Variants in MUC17 observed in about 807,000 individuals in gnomAD.
MUC17 encodes the protein mucin-17.
Under a neutral mutation model 170.3 loss-of-function variants are expected in MUC17, and 190 were observed. That is an observed-to-expected ratio of 1.12 (90% CI 0.99 to 1.26). The LOEUF is 1.26. Ranked by LOEUF, MUC17 falls within the 50% of genes most tolerant of loss-of-function variation. The pLI is 0.00. For missense variants in MUC17, 6,415 were observed against 5,530.0 expected, an observed-to-expected ratio of 1.16 and a Z score of -5.08; for synonymous variants, 2,325 against 2,002.5, an observed-to-expected ratio of 1.16 and a Z score of -4.30.
In MUC17 at chr7:101,047,997, G is replaced by A. The variant is rs545289933; in HGVS notation, c.12417G>A (p.Gly4139=). ...VPRTTTCFGD[G]CQNTASRCKN... ...ATTGTTCCACAGGCTTTGGAGATGG[G>A]TGCCAGAATACGGCCTCTCGCTGCA... Residue 4139 remains glycine, a synonymous_variant, in exon 4 of 13, where the codon GGG becomes GGA. Coordinates refer to ENST00000306151, the MANE Select transcript of MUC17 (RefSeq NM_001040105.2). 2 of 1,596,664 alleles carry A rather than the reference G, an allele frequency of 1.3e-6. No homozygotes were observed. The highest frequency in any genetic ancestry group is 4.5e-5 in the East Asian group (2 of 44,292).
At position 101,036,021 on chromosome 7, in the gene MUC17, A is replaced by T. The variant is rs1385891192; in HGVS notation, c.4605A>T (p.Ser1535=). ...TVASSEINSL[S]TTPAVTSTPV... ...CCAGTTCTGAAATCAACAGCCTTTC[A>T]ACAACTCCTGCTGTCACCAGCACAC... is the stretch of plus-strand genomic sequence containing the variant. Residue 1535 remains serine (S), a synonymous_variant, in exon 3 of 13, where the codon TCA becomes TCT. Coordinates refer to ENST00000306151, the MANE Select transcript of MUC17 (RefSeq NM_001040105.2). 5.6e-6 allele frequency: 9 copies of T among 1,611,980 alleles called. No homozygotes were observed. The Admixed American group carries it at 8.3e-5, about 15-fold the overall frequency.
Position 101,038,854 on chromosome 7 carries a change from C to A in MUC17, c.7438C>A (p.Pro2480Thr). 6.2e-7 allele frequency: 1 copy of A among 1,612,942 alleles called. No individual in the cohort carries two copies. Among genetic ancestry groups the A allele is most frequent in the Non-Finnish European group, 8.5e-7 (1 of 1,179,538 alleles). ...TGAGGCTGGCACCCTTTCCACAACT[C>A]CTGTTGACACCAGCACACCTATGAC... ...SSEAGTLSTT[P>T]VDTSTPMTTS... The change falls in exon 3 of 13, where the codon CCT (proline) becomes ACT (threonine). Residue 2480 changes from proline (P) to threonine (T), a missense_variant. Coordinates refer to ENST00000306151, the MANE Select transcript of MUC17 (RefSeq NM_001040105.2).
intron 1 of MUC17, among the ~76,000 whole-genome samples, chr7:101,023,893 G>GT (rs749020800): frequency 0.013 from 1,926 of 145,178 alleles, 29 homozygotes; most frequent in African/African-American, 0.033. Flanking sequence ...TCTATTTGCA[G>GT]TTTTTTTTTT....
rs2116408333 is a variant in MUC17, at chr7:101,032,608, A to G, written c.1192A>G (p.Met398Val). Residue 398 changes from methionine (M) to valine (V), a missense_variant, in exon 3 of 13, where the codon ATG (methionine) becomes GTG (valine). Met to Val is a conservative substitution (Grantham distance 21, BLOSUM62 1). Transcript: ENST00000306151. ...TGAAGGAAGCACTCCATTAACAAAT[A>G]TGCCTGTCAGCACCATATTGGTGGC... ...LSEGSTPLTNMPVSTILVASS... is the reference protein window; with the variant it reads ...LSEGSTPLTNVPVSTILVASS... The G allele has an allele frequency of 6.2e-7, 1 of 1,614,062 alleles. No individual in the cohort carries two copies. Among genetic ancestry groups the G allele is most frequent in the Middle Eastern group, 1.6e-4 (1 of 6,062 alleles).
rs765952464 is a variant in MUC17, at chr7:101,043,419, C to T, written c.12003C>T (p.Pro4001=). 6.2e-7 allele frequency: 1 copy of T among 1,614,168 alleles called. No homozygotes were observed. ...FTTPAMTTAA[P]LTYVTMSTAP... Reference sequence around the variant, plus strand: ...CACCCGCAATGACTACTGCAGCTCCCCTCACATATGTGACCATGTCTACTG... The same window carrying T: ...CACCCGCAATGACTACTGCAGCTCCTCTCACATATGTGACCATGTCTACTG... The change falls in exon 3 of 13, where the codon CCC becomes CCT. Residue 4001 remains proline, a synonymous_variant. Coordinates refer to ENST00000306151, the MANE Select transcript of MUC17 (RefSeq NM_001040105.2).
rs1584871240 is a variant in MUC17 at position 101,041,980 on chromosome 7, A to T, written c.10564A>T (p.Met3522Leu). Residue 3522 changes from methionine to leucine, a missense_variant, in exon 3 of 13, where the codon ATG becomes TTG. Met to Leu is a conservative substitution (Grantham distance 15). Coordinates refer to ENST00000306151, the MANE Select transcript of MUC17 (RefSeq NM_001040105.2). ...AGEGSTPLTN[M>L]PVSTTPVASS... Reference sequence around the variant, plus strand: ...TGAAGGAAGCACTCCATTAACAAATATGCCTGTCAGCACCACACCGGTGGC... The same window carrying T: ...TGAAGGAAGCACTCCATTAACAAATTTGCCTGTCAGCACCACACCGGTGGC... 6.2e-7 allele frequency: 1 copy of T among 1,613,190 alleles called. No individual in the cohort carries two copies. Among genetic ancestry groups the T allele is most frequent in the Admixed American group, 1.7e-5 (1 of 59,962 alleles).
chr7:101,047,886 G>A, intron 3 of MUC17, 98 bp from the exon 4 acceptor site: 1 of 1,360,560 alleles, frequency 7.3e-7, no homozygotes, highest in Non-Finnish European at 9.7e-7. Flanking sequence ...GCTGTAAAGT[G>A]CTGTGCTCAA....
Position 101,050,566 on chromosome 7 carries a change from A to C in MUC17, c.12805A>C (p.Thr4269Pro). Residue 4269 changes from threonine to proline, a missense_variant, in exon 7 of 13, where the codon ACC (threonine) becomes CCC (proline). Physicochemically the swap from Thr to Pro is conservative, Grantham distance 38 (BLOSUM62 -1). Transcript: ENST00000306151. ...ATACAAGACAGTATTGGACAATGCCACCGAAGTAGTGAAAGAGAAAATCAC... is the reference window on the plus strand; with the variant it reads ...ATACAAGACAGTATTGGACAATGCCCCCGAAGTAGTGAAAGAGAAAATCAC... Reference protein sequence around the residue: ...PEYKTVLDNATEVVKEKITKV... With the variant: ...PEYKTVLDNAPEVVKEKITKV... 1 of 1,614,214 alleles carries C rather than the reference A, an allele frequency of 6.2e-7. No individual in the cohort carries two copies. Among genetic ancestry groups the C allele is most frequent in the Non-Finnish European group, 8.5e-7 (1 of 1,180,026 alleles).
chr7:101,046,839 G>T (rs1009894118), intron 3 of MUC17, among the ~76,000 whole-genome samples: 1 of 152,056 alleles, frequency 6.6e-6, no homozygotes, highest in Non-Finnish European at 1.5e-5. Context: ...CAGCACTTTG[G>T]GAGGCTGAGG....
intron 12 of MUC17, among the ~76,000 whole-genome samples, chr7:101,057,291 A>T (rs943812452): frequency 6.6e-6 from 1 of 152,174 alleles, no homozygotes; most frequent in East Asian, 1.9e-4. Flanking sequence ...AGGGTAGGAG[A>T]AATAACAAGT....
chr7:101,043,091 C>T lies in MUC17; in HGVS notation c.11675C>T (p.Ala3892Val), dbSNP rs1794764236. The change falls in exon 3 of 13, where the codon GCC (alanine) becomes GTC (valine). Residue 3892 changes from alanine (A) to valine (V), a missense_variant. Ala to Val is a moderately conservative substitution (Grantham distance 64). Transcript: ENST00000306151. ...ACACTTCCAACTAGCTTTCCTGGGG[C>T]CAGCATAGCTTCGACACCTCCTCTT... ...STTLPTSFPG[A>V]SIASTPPLDT... The T allele has an allele frequency of 3.1e-6, 5 of 1,614,160 alleles. No individual in the cohort carries two copies. The highest frequency in any genetic ancestry group is 4.2e-6 in the Non-Finnish European group (5 of 1,180,016).
rs565589818 is a variant in MUC17, at chr7:101,036,785, C to T, written c.5369C>T (p.Pro1790Leu). 6.2e-7 allele frequency: 1 copy of T among 1,606,368 alleles called. No individual in the cohort carries two copies. Among genetic ancestry groups the T allele is most frequent in the East Asian group, 2.3e-5 (1 of 44,396 alleles). ...ACTTCTACTGAAGCCACTTCGTCTC[C>T]TACAACTGCTGAAGGTACCAGCATA... The part of the protein sequence containing the change: ...VTTSTEATSS[P>L]TTAEGTSIPT... Residue 1790 changes from proline to leucine, a missense_variant, in exon 3 of 13, where the codon CCT becomes CTT. Coordinates refer to ENST00000306151, the MANE Select transcript of MUC17 (RefSeq NM_001040105.2).
intron 3 of MUC17, among the ~76,000 whole-genome samples, chr7:101,046,949 G>A (rs1794852865): frequency 1.3e-5 from 2 of 151,372 alleles, no homozygotes; most frequent in Non-Finnish European, 3.0e-5. Flanking sequence ...CGTGGTGGCA[G>A]GCATGCCTGT....
At chr7:101,022,817 A>T (rs1584853734) in intron 1 of MUC17, among the ~76,000 whole-genome samples, 1 of 145,972 alleles carries the variant, frequency 6.9e-6, no homozygotes, top group South Asian at 2.1e-4. Flanking sequence ...CCCTGTCTCT[A>T]AAAAAAAAAT....
In MUC17 at chr7:101,033,133, A is replaced by G. The variant is rs763070411; in HGVS notation, c.1717A>G (p.Thr573Ala). ...TCCTAGTGAAGGAAGCACTCCATTA[A>G]CAAACATGCCTGTCAGCACCAGGCT... ...STPSEGSTPL[T>A]NMPVSTRLVV... Residue 573 changes from threonine to alanine, a missense_variant, in exon 3 of 13, where the codon ACA (threonine) becomes GCA (alanine). Coordinates refer to ENST00000306151, the MANE Select transcript of MUC17 (RefSeq NM_001040105.2). The G allele has an allele frequency of 2.5e-6, 4 of 1,611,972 alleles. No individual in the cohort carries two copies. The highest frequency in any genetic ancestry group is 1.1e-5 in the South Asian group (1 of 90,986).
rs148094189 is a variant in MUC17 at position 101,041,631 on chromosome 7, T to A, written c.10215T>A (p.Pro3405=). The A allele has an allele frequency of 1.4e-5, 22 of 1,614,040 alleles. No individual in the cohort carries two copies. The highest frequency in any genetic ancestry group is 1.9e-5 in the Non-Finnish European group (22 of 1,179,936). ...SEGTTPLASM[P]VSTTPVVSSE... ...GAACCACTCCATTAGCAAGTATGCC[T>A]GTCAGCACCACGCCGGTGGTCAGTT... The change falls in exon 3 of 13, where the codon CCT becomes CCA. Residue 3405 remains proline (P), a synonymous_variant. Coordinates refer to ENST00000306151, the MANE Select transcript of MUC17 (RefSeq NM_001040105.2).
chr7:101,057,626 T>C (rs1795070655), intron 12 of MUC17, among the ~76,000 whole-genome samples: 1 of 152,148 alleles, frequency 6.6e-6, no homozygotes, highest in Non-Finnish European at 1.5e-5. Context: ...ACACCTGTAA[T>C]CCCGGCACTT....
At chr7:101,026,153 C>T (rs1794175099) in intron 1 of MUC17, among the ~76,000 whole-genome samples, 1 of 152,200 alleles carries the variant, frequency 6.6e-6, no homozygotes, top group African/African-American at 2.4e-5. Context: ...CCTCTTCCCA[C>T]CTCTTAGGGG....
chr7:101,046,703 A>G (rs1794847475), intron 3 of MUC17, among the ~76,000 whole-genome samples: 1 of 152,042 alleles, frequency 6.6e-6, no homozygotes, highest in African/African-American at 2.4e-5. Context: ...GCTTAAGCCC[A>G]GGAGGTCAAG....
Sources: allele counts gnomAD v4.1 joint callset (sites outside exome capture counted in the v4.1 genomes callset), GRCh38; gene constraint gnomAD v4.1.1; transcripts MANE v1.5; gene names NCBI Gene and HGNC (gene_info 2026-07-23, HGNC 2026-07-21).